SLC7A5: variants seen among roughly 807,000 people sequenced by gnomAD.
SLC7A5 encodes the protein large neutral amino acids transporter small subunit 1.
SLC7A5 carries 23 observed loss-of-function variants against 50.2 expected under a neutral mutation model. The observed-to-expected ratio is 0.46, with a 90% confidence interval of 0.33 to 0.65. The LOEUF (loss-of-function observed/expected upper bound fraction) is 0.65. Among genes scored for constraint, SLC7A5 ranks in the 30% least tolerant of loss-of-function variants. The probability of loss-of-function intolerance (pLI) is 0.02; values close to 1 mark genes in which losing one functional copy is unlikely to be tolerated. For missense variants in SLC7A5, 578 were observed against 684.4 expected, an observed-to-expected ratio of 0.84 and a Z score of 1.73; for synonymous variants, 393 against 330.6, an observed-to-expected ratio of 1.19 and a Z score of -2.05.
In SLC7A5 at chr16:87,869,384, C is replaced by T; in HGVS notation, c.39G>A (p.Ala13=). The part of the protein sequence containing the change: ...GAGPKRRALA[A]PAAEEKEEAR... ...CCTCTTCCTTCTCCTCGGCCGCCGG[C>T]GCCGCTAGCGCGCGCCGCTTCGGGC... The change falls in exon 1 of 10, where the codon GCG becomes GCA. Residue 13 remains alanine, a synonymous_variant. Transcript: ENST00000261622. 3 of 1,580,942 alleles carry T rather than the reference C, an allele frequency of 1.9e-6. No individual in the cohort carries two copies. The highest frequency in any genetic ancestry group is 2.3e-5 in the South Asian group (2 of 88,164).
In SLC7A5 at chr16:87,833,427, GGGGCCAATCTGCTAAC is replaced by G. The variant is rs2054957149; in HGVS notation, c.1469-418_1469-403del. ...ACTGTTCACAGCAGGCAGGGCCGGA[GGGGCCAATCTGCTAAC>G]GGGTCCTCGGAAGACCTGTCGCGCC... is the stretch of plus-strand genomic sequence containing the variant. On this transcript the variant is annotated intron_variant, in intron 9 of 9. Coordinates refer to ENST00000261622, the MANE Select transcript of SLC7A5 (RefSeq NM_003486.7). The surrounding 1 kb of genome is among the most constrained non-coding windows in gnomAD (Gnocchi z 6.0). Among the ~76,000 whole-genome samples, 1 of 152,264 alleles carries G rather than the reference GGGGCCAATCTGCTAAC, an allele frequency of 6.6e-6. No homozygotes were observed. The highest frequency in any genetic ancestry group is 2.1e-4 in the South Asian group (1 of 4,836).
intron 1 of SLC7A5, among the ~76,000 whole-genome samples, chr16:87,855,890 G>GCA (rs2055311786): frequency 1.3e-5 from 2 of 152,226 alleles, no homozygotes; most frequent in South Asian, 4.2e-4. Context: ...GAGCATCCGT[G>GCA]GATAGGGTTC....
intron 3 of SLC7A5, 152 bp from the exon 4 acceptor site, chr16:87,840,625 G>GCCT (rs2055071825): frequency 1.4e-6 from 1 of 724,506 alleles, no homozygotes; most frequent in Non-Finnish European, 2.5e-6. Flanking sequence ...AGGGAGCTCA[G>GCCT]CCTCCTGCGT....
chr16:87,856,133 A>G (rs995869807), intron 1 of SLC7A5, among the ~76,000 whole-genome samples: 1 of 152,172 alleles, frequency 6.6e-6, no homozygotes, highest in Non-Finnish European at 1.5e-5. Context: ...GGCATCCTGC[A>G]GTCCCTTCTG....
At chr16:87,858,418 G>A (rs8055108) in intron 1 of SLC7A5, among the ~76,000 whole-genome samples, 64,943 of 151,874 alleles carry the variant, frequency 0.43, 15,022 homozygotes, top group East Asian at 0.79. Context: ...TCTGTGGTCC[G>A]GAAACCCACG....
chr16:87,866,359 T>A (rs2055460787), intron 1 of SLC7A5, among the ~76,000 whole-genome samples: 2 of 152,140 alleles, frequency 1.3e-5, no homozygotes, highest in African/African-American at 2.4e-5. Flanking sequence ...GGAGGAGAAA[T>A]GTGTCACCCA....
intron 2 of SLC7A5, among the ~76,000 whole-genome samples, chr16:87,845,201 C>T (rs1038121846): frequency 6.6e-6 from 1 of 152,198 alleles, no homozygotes; most frequent in African/African-American, 2.4e-5. Context: ...CCCGGCTTCT[C>T]AGTGCATCAG....
In SLC7A5 at chr16:87,848,405, G is replaced by T. The variant is rs1338873633; in HGVS notation, c.664+3319C>A. 5.9e-5 allele frequency among the ~76,000 whole-genome samples: 9 copies of T among 152,226 alleles called. No homozygotes were observed. In the East Asian group the frequency reaches 1.7e-3, roughly 29 times the overall value. On this transcript the variant is annotated intron_variant, in intron 2 of 9. Coordinates refer to ENST00000261622, the MANE Select transcript of SLC7A5 (RefSeq NM_003486.7). ...TCCCACCCTCCGCCCTGCAGGCGAA[G>T]GCCCAGCCACCCTCTCCTTAGGCAA...
intron 1 of SLC7A5, among the ~76,000 whole-genome samples, chr16:87,863,986 A>AATATATATAT (rs58063420): frequency 0.1 from 8,697 of 83,166 alleles, 956 homozygotes; most frequent in Middle Eastern, 0.19. Context: ...ATCATTTAAA[A>AATATATATAT]ATATATATAT....
chr16:87,849,742 C>T (rs1321240554), intron 2 of SLC7A5, among the ~76,000 whole-genome samples: 1 of 152,098 alleles, frequency 6.6e-6, no homozygotes, highest in Non-Finnish European at 1.5e-5. Context: ...ACCTGAGGTC[C>T]CAGGAAGGTT....
At chr16:87,857,244 C>T (rs900983016) in intron 1 of SLC7A5, among the ~76,000 whole-genome samples, 34 of 151,010 alleles carry the variant, frequency 2.3e-4, no homozygotes, top group African/African-American at 8.0e-4. Flanking sequence ...TTTTTTGAGA[C>T]GAAGTCTCGC....
At chr16:87,856,173 G>A (rs957014198) in intron 1 of SLC7A5, among the ~76,000 whole-genome samples, 8 of 152,206 alleles carry the variant, frequency 5.3e-5, no homozygotes, top group Non-Finnish European at 1.2e-4. Flanking sequence ...AAACAGAAGT[G>A]CTCCTGCCAG....
intron 2 of SLC7A5, among the ~76,000 whole-genome samples, chr16:87,848,801 G>A (rs997585198): frequency 3.9e-5 from 6 of 152,216 alleles, no homozygotes; most frequent in Admixed American, 6.5e-5. Flanking sequence ...CTCTGGATGC[G>A]GGGCCATGTT....
At position 87,869,428 on chromosome 16, in the gene SLC7A5, G is replaced by A. The variant is rs1419855034; in HGVS notation, c.-6C>T. ...TTCGGGCCCGCACCCGCCATGCTCTGCGCACCGGCCGGGCCTGGGACACCC... is the reference window on the plus strand; with the variant it reads ...TTCGGGCCCGCACCCGCCATGCTCTACGCACCGGCCGGGCCTGGGACACCC... On this transcript the variant is annotated 5_prime_UTR_variant, in exon 1 of 10. Coordinates refer to ENST00000261622, the MANE Select transcript of SLC7A5 (RefSeq NM_003486.7). The A allele has an allele frequency of 6.9e-7, 1 of 1,457,730 alleles. No homozygotes were observed. Among genetic ancestry groups the A allele is most frequent in the South Asian group, 1.4e-5 (1 of 69,498 alleles). 90.3% of individuals were successfully genotyped at this position (1,457,730 alleles called of 1,614,324 possible).
chr16:87,859,181 G>A (rs1465523088), intron 1 of SLC7A5, among the ~76,000 whole-genome samples: 2 of 152,242 alleles, frequency 1.3e-5, no homozygotes, highest in Non-Finnish European at 2.9e-5. Context: ...CTGGCTCCGG[G>A]CCACACAGCT....
At position 87,841,023 on chromosome 16, in the gene SLC7A5, A is replaced by G. The variant is rs1413744676; in HGVS notation, c.770+27T>C. ...GTCAGGGACTGTATGTCCCCAGACC[A>G]AGGGACCCAGACATTCCAGAACCTA... On this transcript the variant is annotated intron_variant, in intron 3 of 9. Coordinates refer to ENST00000261622, the MANE Select transcript of SLC7A5 (RefSeq NM_003486.7). The surrounding 1 kb of genome is among the most constrained non-coding windows in gnomAD (Gnocchi z 4.8). 2 of 1,517,694 alleles carry G rather than the reference A, an allele frequency of 1.3e-6. No individual in the cohort carries two copies. The highest frequency in any genetic ancestry group is 1.8e-6 in the Non-Finnish European group (2 of 1,092,976). The allele number at this position is 1,517,694 out of a possible 1,614,324, so 94.0% of individuals were successfully genotyped here. A position where few individuals can be genotyped will look rare whatever the true frequency, so the allele number is the denominator to read the frequency against.
chr16:87,868,224 C>T (rs983137540), intron 1 of SLC7A5, among the ~76,000 whole-genome samples: 2 of 152,190 alleles, frequency 1.3e-5, no homozygotes, highest in Non-Finnish European at 2.9e-5. Flanking sequence ...AAAACAGGAG[C>T]CCCATGGCTG....
chr16:87,847,392 G>A lies in SLC7A5; in HGVS notation c.664+4332C>T, dbSNP rs191688748. 2.6e-3 allele frequency among the ~76,000 whole-genome samples: 396 copies of A among 151,836 alleles called. 1 individual carries two copies. Among genetic ancestry groups the A allele is most frequent in the African/African-American group, 9.1e-3 (376 of 41,532 alleles). On this transcript the variant is annotated intron_variant, in intron 2 of 9. Transcript: ENST00000261622. ...AGACAGGGCCGCACACCCCCAGCCA[G>A]ATGAGGGCCAGATGAGGGAGGCGGC...
At chr16:87,866,582 C>T (rs2055464126) in intron 1 of SLC7A5, among the ~76,000 whole-genome samples, 1 of 152,166 alleles carries the variant, frequency 6.6e-6, no homozygotes, top group African/African-American at 2.4e-5. Context: ...TCTCCTGCCT[C>T]AGCCTCCCGA....
Sources: allele counts gnomAD v4.1 joint callset (sites outside exome capture counted in the v4.1 genomes callset), GRCh38; gene constraint gnomAD v4.1.1; non-coding constraint Gnocchi (gnomAD v3.1); transcripts MANE v1.5; gene names NCBI Gene and HGNC (gene_info 2026-07-23, HGNC 2026-07-21).